Variants in PIK3CD observed in about 807,000 individuals in gnomAD.
The protein encoded by PIK3CD is phosphatidylinositol-4,5-bisphosphate 3-kinase catalytic subunit delta, also known as phosphatidylinositol 4,5-bisphosphate 3-kinase catalytic subunit delta isoform.
PIK3CD carries 20 observed loss-of-function variants against 122.9 expected under a neutral mutation model. The ratio of observed to expected loss-of-function variants is 0.16; its 90% CI spans 0.11 to 0.24. PIK3CD has a LOEUF of 0.24. Ranked by LOEUF, PIK3CD falls within the 10% of genes least tolerant of loss-of-function variation. PIK3CD has a pLI of 1.00. For missense variants in PIK3CD, 787 were observed against 1,406.3 expected, an observed-to-expected ratio of 0.56 and a Z score of 7.04; for synonymous variants, 596 against 593.4, an observed-to-expected ratio of 1.00 and a Z score of -0.06.
the PIK3CD span, among the ~76,000 whole-genome samples, chr1:9,641,253 C>A: frequency 1.3e-5 from 2 of 152,120 alleles, no homozygotes; most frequent in Non-Finnish European, 2.9e-5. Context: ...GTTGCAAAGC[C>A]CGGGTCACCT....
rs60167511 is a variant in PIK3CD, at chr1:9,702,500, CTTTTTTTTTTTTTTTTTT to C, written c.-32-7904_-32-7887del. Reference sequence around the variant, plus strand: ...GTCCACTTCCAAGGAAAGAACTTTCCTTTTTTTTTTTTTTTTTTTTTTTTTTTTTTTTTTTTTGAGGCA... The same window carrying C: ...GTCCACTTCCAAGGAAAGAACTTTCCTTTTTTTTTTTTTTTTTTTGAGGCA... On this transcript the variant is annotated intron_variant, in intron 2 of 23. Transcript: ENST00000377346. 5.3e-3 allele frequency among the ~76,000 whole-genome samples: 136 copies of C among 25,824 alleles called. 1 individual carries two copies. The highest frequency in any genetic ancestry group is 0.013 in the South Asian group (8 of 594). 16.9% of individuals were successfully genotyped at this position (25,824 alleles called of 152,430 possible).
In PIK3CD at chr1:9,715,913, A is replaced by G; in HGVS notation, c.435A>G (p.Gln145=). The change falls in exon 5 of 24, where the codon CAA becomes CAG. Residue 145 remains glutamine (Q), a synonymous_variant. Coordinates refer to ENST00000377346, the MANE Select transcript of PIK3CD (RefSeq NM_005026.5). The surrounding 1 kb of genome is among the most constrained non-coding windows in gnomAD (Gnocchi z 4.1). ...ACGACTTTCGCGCCAAGATGTGCCAATTCTGCGAGGAGGCGGCCGCCCGCC... is the reference window on the plus strand; with the variant it reads ...ACGACTTTCGCGCCAAGATGTGCCAGTTCTGCGAGGAGGCGGCCGCCCGCC... ...EVNDFRAKMC[Q]FCEEAAARRQ... is the part of the protein sequence containing the mutation. 6.2e-7 allele frequency: 1 copy of G among 1,612,486 alleles called. No homozygotes were observed. Among genetic ancestry groups the G allele is most frequent in the Non-Finnish European group, 8.5e-7 (1 of 1,179,870 alleles).
chr1:9,636,314 C>G, the PIK3CD span, among the ~76,000 whole-genome samples: 1 of 152,196 alleles, frequency 6.6e-6, no homozygotes, highest in East Asian at 1.9e-4. Context: ...ATGCCTCAGC[C>G]TCCCCAGTAG....
At chr1:9,636,312 G>A in the PIK3CD span, among the ~76,000 whole-genome samples, 1 of 152,134 alleles carries the variant, frequency 6.6e-6, no homozygotes, top group Non-Finnish European at 1.5e-5. Context: ...TCATGCCTCA[G>A]CCTCCCCAGT....
upstream of PIK3CD, among the ~76,000 whole-genome samples, chr1:9,648,217 G>C (rs543064759): frequency 6.6e-6 from 1 of 152,240 alleles, no homozygotes; most frequent in South Asian, 2.1e-4. Flanking sequence ...GTATATTTTG[G>C]GGGGACATAT....
chr1:9,686,460 G>A (rs1448896537), intron 1 of PIK3CD, among the ~76,000 whole-genome samples: 1 of 150,262 alleles, frequency 6.7e-6, no homozygotes, highest in Non-Finnish European at 1.5e-5. Context: ...CCTCGGCCTC[G>A]CAAAGTGCTG....
intron 1 of PIK3CD, among the ~76,000 whole-genome samples, chr1:9,679,520 G>C (rs570335075): frequency 5.3e-5 from 8 of 152,072 alleles, no homozygotes; most frequent in African/African-American, 1.2e-4. Flanking sequence ...CACATCGCCT[G>C]TTTACCTCTC....
In PIK3CD at chr1:9,691,571, G is replaced by A. The variant is rs1382825033; in HGVS notation, c.-33G>A. 2 of 398,520 alleles carry A rather than the reference G, an allele frequency of 5.0e-6. No homozygotes were observed. The highest frequency in any genetic ancestry group is 8.8e-6 in the Non-Finnish European group (2 of 226,114). 24.7% of individuals were successfully genotyped at this position (398,520 alleles called of 1,614,324 possible). A position where few individuals can be genotyped will look rare whatever the true frequency, so the allele number is the denominator to read the frequency against. On this transcript the variant is annotated splice_region_variant and 5_prime_UTR_variant, in exon 2 of 24. Coordinates refer to ENST00000377346, the MANE Select transcript of PIK3CD (RefSeq NM_005026.5). ...GGTCTTTCTTGGACTATTCCAGAGAGGTAGGTTGGGGGAACGGGCCAAGTG... is the reference window on the plus strand; with the variant it reads ...GGTCTTTCTTGGACTATTCCAGAGAAGTAGGTTGGGGGAACGGGCCAAGTG...
chr1:9,720,367 G>A lies in PIK3CD; in HGVS notation c.1470+125G>A, dbSNP rs116150871. On this transcript the variant is annotated intron_variant, in intron 11 of 23. Transcript: ENST00000377346. The surrounding 1 kb of genome is among the most constrained non-coding windows in gnomAD (Gnocchi z 9.0). ...GGCTGGGCTACCAGGCATATCTGGG[G>A]CCTTCCCAGGGGCCATTTTGCCTGC... 5.1e-3 allele frequency: 7,149 copies of A among 1,395,658 alleles called. 191 individuals are homozygous for A. In the African/African-American group the frequency reaches 0.068, roughly 13 times the overall value. 86.5% of individuals were successfully genotyped at this position (1,395,658 alleles called of 1,614,324 possible). A position where few individuals can be genotyped will look rare whatever the true frequency, so the allele number is the denominator to read the frequency against.
the PIK3CD span, among the ~76,000 whole-genome samples, chr1:9,630,492 C>CTGG: frequency 6.6e-6 from 1 of 152,214 alleles, no homozygotes; most frequent in Non-Finnish European, 1.5e-5. Context: ...GGGTGCCAGA[C>CTGG]ACAGGGGAGC....
chr1:9,661,591 T>C (rs1645009968), intron 1 of PIK3CD, among the ~76,000 whole-genome samples: 1 of 152,026 alleles, frequency 6.6e-6, no homozygotes, highest in South Asian at 2.1e-4. Flanking sequence ...CCGGGTGTGG[T>C]GGCTCACACC....
At chr1:9,721,720 G>A in intron 15 of PIK3CD, 41 bp from the exon 16 acceptor site, 2 of 1,606,722 alleles carry the variant, frequency 1.2e-6, no homozygotes, top group South Asian at 1.1e-5. Flanking sequence ...GGGGCTGCGT[G>A]GTGCTGCCTG....
chr1:9,678,694 CA>C (rs1400713731), intron 1 of PIK3CD, among the ~76,000 whole-genome samples: 1 of 152,194 alleles, frequency 6.6e-6, no homozygotes, highest in Non-Finnish European at 1.5e-5. Flanking sequence ...CTCAAAGGGG[CA>C]AATCATTCTG....
At position 9,715,851 on chromosome 1, in the gene PIK3CD, C is replaced by G; in HGVS notation, c.373C>G (p.Leu125Val). The G allele has an allele frequency of 6.2e-7, 1 of 1,612,324 alleles. No homozygotes were observed. The highest frequency in any genetic ancestry group is 8.5e-7 in the Non-Finnish European group (1 of 1,179,732). Residue 125 changes from leucine (L) to valine (V), a missense_variant and splice_region_variant, in exon 5 of 24, where the codon CTC becomes GTC. Leu to Val is a conservative substitution (Grantham distance 32). Transcript: ENST00000377346. The surrounding 1 kb of genome is among the most constrained non-coding windows in gnomAD (Gnocchi z 4.1). ...SQISLLIGKG[L>V]HEFDSLCDPE... ...ACCCAGCCCTCCCCACCCCGCAGGC[C>G]TCCACGAGTTTGACTCCTTGTGCGA...
At chr1:9,703,956 C>T in intron 2 of PIK3CD, among the ~76,000 whole-genome samples, 1 of 152,182 alleles carries the variant, frequency 6.6e-6, no homozygotes, top group East Asian at 1.9e-4. Flanking sequence ...TTTTCCAAAG[C>T]AGTTGTACTG....
rs117028225 is a variant in PIK3CD, at chr1:9,714,018, A to G, written c.142-1523A>G. Among the ~76,000 whole-genome samples, 802 of 151,618 alleles carry G rather than the reference A, an allele frequency of 5.3e-3. 17 individuals carry two copies. The highest frequency in any genetic ancestry group is 0.043 in the East Asian group (223 of 5,158). ...CAGGTGCATGCCACCATAACCAACT[A>G]ATTTTTTATTTTTTGTAGAGATGGA... On this transcript the variant is annotated intron_variant, in intron 3 of 23. Coordinates refer to ENST00000377346, the MANE Select transcript of PIK3CD (RefSeq NM_005026.5).
the PIK3CD span, among the ~76,000 whole-genome samples, chr1:9,644,254 C>A: frequency 6.6e-6 from 1 of 152,148 alleles, no homozygotes; most frequent in Non-Finnish European, 1.5e-5. Context: ...TGGCTCACGC[C>A]TGGAATCCCA....
chr1:9,655,873 T>C lies in PIK3CD; in HGVS notation c.-138+4071T>C, dbSNP rs557126201. Among the ~76,000 whole-genome samples, 413 of 152,124 alleles carry C rather than the reference T, an allele frequency of 2.7e-3. 2 individuals carry two copies. The highest frequency in any genetic ancestry group is 4.7e-3 in the Non-Finnish European group (318 of 67,994). Reference sequence around the variant, plus strand: ...CACTATGGCCAGCTATTTTTAGTATTTTTAGCAGTGACGGTGTTTTGCCAT... The same window carrying C: ...CACTATGGCCAGCTATTTTTAGTATCTTTAGCAGTGACGGTGTTTTGCCAT... On this transcript the variant is annotated intron_variant, in intron 1 of 23. Transcript: ENST00000377346.
intron 1 of PIK3CD, among the ~76,000 whole-genome samples, chr1:9,681,651 C>T (rs1383091586): frequency 6.6e-6 from 1 of 152,208 alleles, no homozygotes; most frequent in African/African-American, 2.4e-5. Context: ...ATCTGCTCGC[C>T]TCCCCGCCTC....
Sources: allele counts gnomAD v4.1 joint callset (sites outside exome capture counted in the v4.1 genomes callset), GRCh38; gene constraint gnomAD v4.1.1; non-coding constraint Gnocchi (gnomAD v3.1); transcripts MANE v1.5; gene names NCBI Gene and HGNC (gene_info 2026-07-23, HGNC 2026-07-21).